Variants in MGAT4C observed in about 807,000 individuals in gnomAD.
MGAT4C encodes the protein MGAT4 family member C.
A neutral mutation model predicts 40.1 loss-of-function variants in MGAT4C; 19 were observed. The ratio of observed to expected loss-of-function variants is 0.47; its 90% confidence interval spans 0.33 to 0.70. The LOEUF (loss-of-function observed/expected upper bound fraction) is 0.70, where lower values mean the gene tolerates loss of function less well. MGAT4C is among the 30% of genes least tolerant of loss of function. MGAT4C has a pLI of 0.02. For synonymous variants in MGAT4C, 181 were observed against 187.1 expected, an observed-to-expected ratio of 0.97 and a Z score of 0.27; for missense variants, 491 against 563.2, an observed-to-expected ratio of 0.87 and a Z score of 1.30.
At chr12:86,753,863 T>C (rs1367432433) in intron 1 of MGAT4C, among the ~76,000 whole-genome samples, 1 of 151,850 alleles carries the variant, frequency 6.6e-6, no homozygotes, top group Non-Finnish European at 1.5e-5. Flanking sequence ...CCATACTAAG[T>C]GTTGAAAAGA....
intron 1 of MGAT4C, among the ~76,000 whole-genome samples, chr12:86,191,788 G>GTGTGTGTGTGTGTGTGT (rs10526767): frequency 3.8e-5 from 5 of 132,446 alleles, no homozygotes; most frequent in South Asian, 2.6e-4. Context: ...GTGTGTGTGT[G>GTGTGTGTGTGTGTGTGT]GTGTTTTCAG....
chr12:86,365,371 A>G (rs1201353843), intron 3 of MGAT4C, among the ~76,000 whole-genome samples: 1 of 152,140 alleles, frequency 6.6e-6, no homozygotes, highest in Admixed American at 6.5e-5. Context: ...CAATTTGTGC[A>G]GTTAATGCAA....
intron 2 of MGAT4C, among the ~76,000 whole-genome samples, chr12:86,689,707 C>T (rs1428317408): frequency 1.3e-5 from 2 of 152,118 alleles, no homozygotes; most frequent in East Asian, 1.9e-4. Context: ...GAGGGGCACC[C>T]GCCAGATGCC....
chr12:86,479,225 A>G (rs1957892269), intron 2 of MGAT4C, among the ~76,000 whole-genome samples: 1 of 152,052 alleles, frequency 6.6e-6, no homozygotes, highest in Admixed American at 6.6e-5. Flanking sequence ...TTCTGTTCTT[A>G]AAAGTTTACA....
intron 2 of MGAT4C, among the ~76,000 whole-genome samples, chr12:86,543,451 G>C (rs1959178179): frequency 6.6e-6 from 1 of 151,446 alleles, no homozygotes; most frequent in Non-Finnish European, 1.5e-5. Context: ...AGATTATTCT[G>C]TTTCTCTTTT....
chr12:86,126,006 C>G (rs969848320), intron 1 of MGAT4C, among the ~76,000 whole-genome samples: 1 of 151,312 alleles, frequency 6.6e-6, no homozygotes, highest in Non-Finnish European at 1.5e-5. Context: ...TTATGTAACA[C>G]ACAAGATTGA....
chr12:86,423,446 C>G (rs1956868431), intron 3 of MGAT4C, among the ~76,000 whole-genome samples: 1 of 151,794 alleles, frequency 6.6e-6, no homozygotes, highest in Admixed American at 6.6e-5. Context: ...TTCAATTTTA[C>G]CAACAGCAAT....
chr12:86,768,711 C>T (rs556379788), intron 1 of MGAT4C, among the ~76,000 whole-genome samples: 113 of 152,188 alleles, frequency 7.4e-4, no homozygotes, highest in Admixed American at 1.5e-3. Context: ...AGAAATAACG[C>T]CGCATATCTA....
Position 86,303,896 on chromosome 12 carries a change from T to C in MGAT4C, c.-57+30169A>G, listed in dbSNP as rs12300410. Among the ~76,000 whole-genome samples, 1,290 of 150,710 alleles carry C rather than the reference T, an allele frequency of 8.6e-3. 134 individuals carry two copies. The highest frequency in any genetic ancestry group is 0.031 in the African/African-American group (1,238 of 40,094). ...CTCCATCCCTCTCTCTGTCTTCGTC[T>C]GTGTGTCTCTTTCTCTCTCCCTCTC... On this transcript the variant is annotated intron_variant, in intron 4 of 7. Transcript: ENST00000548651.
intron 2 of MGAT4C, among the ~76,000 whole-genome samples, chr12:86,465,744 G>A (rs986934329): frequency 6.6e-6 from 1 of 152,178 alleles, no homozygotes; most frequent in African/African-American, 2.4e-5. Context: ...TGCTGGCAAG[G>A]ATGTGGAGCA....
intron 2 of MGAT4C, among the ~76,000 whole-genome samples, chr12:86,511,534 G>T (rs983839578): frequency 6.6e-6 from 1 of 152,056 alleles, no homozygotes; most frequent in Non-Finnish European, 1.5e-5. Flanking sequence ...AAACAGCATT[G>T]TACTAATATA....
In MGAT4C at chr12:85,977,179, G is replaced by A. The variant is rs1186565139; in HGVS notation, c.*2110C>T. ...TTTAAGACATTGATAGACACCAATA[G>A]CTGATCTTTAGAAAGCCATTCCCAG... On this transcript the variant is annotated 3_prime_UTR_variant, in exon 5 of 5. Coordinates refer to ENST00000611864, the MANE Select transcript of MGAT4C (RefSeq NM_001351288.2). 6.6e-6 allele frequency: 1 copy of A among 151,320 alleles called. No individual in the cohort carries two copies. Among genetic ancestry groups the A allele is most frequent in the African/African-American group, 2.4e-5 (1 of 41,366 alleles). 9.4% of individuals were successfully genotyped at this position (151,320 alleles called of 1,614,324 possible). A position where few individuals can be genotyped will look rare whatever the true frequency, so the allele number is the denominator to read the frequency against.
chr12:86,318,589 T>G (rs1406988371), intron 4 of MGAT4C, among the ~76,000 whole-genome samples: 1 of 152,252 alleles, frequency 6.6e-6, no homozygotes, highest in Non-Finnish European at 1.5e-5. Flanking sequence ...GAATATTTTT[T>G]GTACCTTAAA....
chr12:86,239,405 C>CGT (rs1566200732), intron 1 of MGAT4C, among the ~76,000 whole-genome samples: 63 of 150,732 alleles, frequency 4.2e-4, no homozygotes, highest in Middle Eastern at 3.4e-3. Context: ...AAGCCACAGC[C>CGT]ATCTCTCTCT....
At chr12:86,475,941 T>C (rs933814040) in intron 2 of MGAT4C, among the ~76,000 whole-genome samples, 6 of 152,044 alleles carry the variant, frequency 3.9e-5, no homozygotes, top group African/African-American at 1.4e-4. Context: ...ATTGTGTATA[T>C]TTAAGGTGTA....
intron 3 of MGAT4C, among the ~76,000 whole-genome samples, chr12:86,373,289 C>A (rs985469607): frequency 2.6e-5 from 4 of 151,906 alleles, no homozygotes; most frequent in African/African-American, 7.2e-5. Context: ...ATATGCTCAA[C>A]CCTTTAAACT....
chr12:86,416,711 T>C (rs1345629598), intron 3 of MGAT4C, among the ~76,000 whole-genome samples: 1 of 152,046 alleles, frequency 6.6e-6, no homozygotes, highest in Non-Finnish European at 1.5e-5. Flanking sequence ...GAAGAAGTTG[T>C]GAAAAATTAG....
At chr12:86,435,470 G>A (rs1226503621) in intron 2 of MGAT4C, among the ~76,000 whole-genome samples, 1 of 151,672 alleles carries the variant, frequency 6.6e-6, no homozygotes, top group East Asian at 1.9e-4. Flanking sequence ...GCATTTGTGA[G>A]TGTCAGTTCT....
intron 1 of MGAT4C, among the ~76,000 whole-genome samples, chr12:86,227,779 A>C (rs1434409074): frequency 1.3e-5 from 2 of 151,954 alleles, no homozygotes; most frequent in African/African-American, 4.8e-5. Flanking sequence ...CCTGATGTAG[A>C]AACATCATTT....
Sources: gnomAD v4.1 joint callset for allele counts (sites outside exome capture counted in the v4.1 genomes callset) on GRCh38, gnomAD v4.1.1 for gene constraint, MANE v1.5 for transcripts, NCBI Gene and HGNC (gene_info 2026-07-23, HGNC 2026-07-21) for gene names.